The following NTNG1 variants were observed in gnomAD, a reference collection of about 807,000 sequenced individuals.
NTNG1 encodes the protein netrin G1, also known as netrin-G1.
NTNG1 carries 16 observed loss-of-function variants against 54.0 expected under a neutral mutation model. That is an observed-to-expected ratio of 0.30 (90% CI 0.20 to 0.45). The LOEUF is 0.45. NTNG1 is among the 20% of genes least tolerant of loss of function. NTNG1 has a pLI of 1.00. For synonymous variants in NTNG1, 255 were observed against 263.1 expected (o/e 0.97, Z 0.30); for missense variants, 530 against 678.7 (o/e 0.78, Z 2.43).
chr1:107,208,878 C>T (rs948416728), intron 2 of NTNG1, among the ~76,000 whole-genome samples: 1 of 152,056 alleles, frequency 6.6e-6, no homozygotes, highest in Non-Finnish European at 1.5e-5. Flanking sequence ...GGGACTTCAC[C>T]ACCACTACTG....
chr1:107,463,518 A>C (rs1408938974), intron 7 of NTNG1, among the ~76,000 whole-genome samples: 2 of 151,326 alleles, frequency 1.3e-5, no homozygotes, highest in African/African-American at 2.4e-5. Flanking sequence ...ACACAATTTC[A>C]TTCCATAATA....
intron 7 of NTNG1, among the ~76,000 whole-genome samples, chr1:107,473,219 C>T (rs1459953552): frequency 6.6e-6 from 1 of 152,154 alleles, no homozygotes; most frequent in Non-Finnish European, 1.5e-5. Context: ...AAAAGAGAAA[C>T]TTTCAAGTCT....
intron 7 of NTNG1, among the ~76,000 whole-genome samples, chr1:107,462,142 CT>C (rs1466381452): frequency 7.2e-5 from 11 of 152,172 alleles, no homozygotes; most frequent in Admixed American, 1.3e-4. Context: ...CAAGGATGCA[CT>C]TTTTCTGTTT....
chr1:107,197,307 T>C (rs1224736366), intron 2 of NTNG1, among the ~76,000 whole-genome samples: 2 of 151,958 alleles, frequency 1.3e-5, no homozygotes, highest in African/African-American at 2.4e-5. Context: ...TGCTGCCCTC[T>C]ACAACAGCCA....
intron 2 of NTNG1, among the ~76,000 whole-genome samples, chr1:107,266,468 C>T (rs939123825): frequency 6.6e-6 from 1 of 151,936 alleles, no homozygotes; most frequent in Non-Finnish European, 1.5e-5. Context: ...TGTTTAGCAA[C>T]CAGATGTCAT....
intron 2 of NTNG1, among the ~76,000 whole-genome samples, chr1:107,248,087 T>G (rs75840452): frequency 0.031 from 4,675 of 152,328 alleles, 220 homozygotes; most frequent in African/African-American, 0.11. Context: ...ACTGCCAACA[T>G]GCCATTCTAT....
chr1:107,144,871 A>C (rs981612078), intron 1 of NTNG1, among the ~76,000 whole-genome samples: 1 of 151,978 alleles, frequency 6.6e-6, no homozygotes, highest in Admixed American at 6.6e-5. Flanking sequence ...TTTAGTTCCC[A>C]AGTAGAGGTG....
At chr1:107,411,878 G>T (rs1487645628) in intron 5 of NTNG1, among the ~76,000 whole-genome samples, 2 of 152,112 alleles carry the variant, frequency 1.3e-5, no homozygotes, top group Admixed American at 1.3e-4. Flanking sequence ...ATGAAATCTT[G>T]TGGTTATCCT....
At position 107,436,703 on chromosome 1, in the gene NTNG1, T is replaced by C; in HGVS notation, c.1294T>C (p.Cys432Arg). Residue 432 changes from cysteine (C) to arginine (R), a missense_variant, in exon 7 of 8, where the codon TGT becomes CGT. Physicochemically the swap from Cys to Arg is radical, Grantham distance 180 (BLOSUM62 -3). This residue lies in a region of NTNG1 where 212 missense variants were observed against 213.6 expected (regional missense o/e 0.99). Coordinates refer to ENST00000370068, the MANE Select transcript of NTNG1 (RefSeq NM_001113226.3). Reference protein sequence around the residue: ...CNPLGSIHDRCNGSGFCECKT... With the variant: ...CNPLGSIHDRRNGSGFCECKT... ...CCCTTTGGGCTCAATCCATGATCGT[T>C]GTAATGGCTCAGGATTTTGTGAGTG... 3.1e-6 allele frequency: 5 copies of C among 1,613,554 alleles called. No individual in the cohort carries two copies. The highest frequency in any genetic ancestry group is 4.2e-6 in the Non-Finnish European group (5 of 1,179,602).
intron 5 of NTNG1, chr1:107,408,536 G>C (rs140492641): frequency 1.3e-5 from 2 of 152,046 alleles, no homozygotes; most frequent in African/African-American, 4.8e-5. Flanking sequence ...TGTAGCTCCC[G>C]CTTCATGTGT....
intron 5 of NTNG1, among the ~76,000 whole-genome samples, chr1:107,425,018 T>G (rs759269247): frequency 1.3e-4 from 20 of 152,018 alleles, no homozygotes; most frequent in Non-Finnish European, 2.4e-4. Context: ...ATCAAGAGAC[T>G]GTGGTGGCCC....
intron 2 of NTNG1, among the ~76,000 whole-genome samples, chr1:107,246,530 TG>T (rs1171988908): frequency 6.6e-6 from 1 of 152,102 alleles, no homozygotes; most frequent in Non-Finnish European, 1.5e-5. Context: ...AAACCTCAAT[TG>T]ATGTAGTAGT....
At chr1:107,288,997 G>T (rs1224765413) in intron 2 of NTNG1, among the ~76,000 whole-genome samples, 2 of 152,046 alleles carry the variant, frequency 1.3e-5, no homozygotes, top group South Asian at 2.1e-4. Context: ...CTAGTCAGTT[G>T]TCTCTTCCAT....
chr1:107,157,626 G>A (rs1002506691), intron 2 of NTNG1, among the ~76,000 whole-genome samples: 1 of 152,054 alleles, frequency 6.6e-6, no homozygotes. Flanking sequence ...GATTGATATA[G>A]GGACATATTT....
chr1:107,297,493 ATATT>A (rs1408919404), intron 2 of NTNG1, among the ~76,000 whole-genome samples: 1 of 151,878 alleles, frequency 6.6e-6, no homozygotes, highest in Non-Finnish European at 1.5e-5. Context: ...CTAACAAATG[ATATT>A]TATGGGCACC....
At chr1:107,391,706 G>A (rs1672374710) in intron 3 of NTNG1, among the ~76,000 whole-genome samples, 1 of 152,014 alleles carries the variant, frequency 6.6e-6, no homozygotes, top group African/African-American at 2.4e-5. Context: ...AACAAGAATG[G>A]GGGAGGGAGG....
At chr1:107,474,116 G>T (rs949348696) in intron 7 of NTNG1, among the ~76,000 whole-genome samples, 2 of 152,254 alleles carry the variant, frequency 1.3e-5, no homozygotes, top group East Asian at 3.9e-4. Context: ...ATCACAAAAA[G>T]AAATCTGTCT....
intron 3 of NTNG1, among the ~76,000 whole-genome samples, chr1:107,380,793 C>T (rs1671597625): frequency 6.6e-6 from 1 of 152,226 alleles, no homozygotes; most frequent in African/African-American, 2.4e-5. Flanking sequence ...TGACCATCCC[C>T]TGCTGGTCCC....
intron 2 of NTNG1, among the ~76,000 whole-genome samples, chr1:107,256,543 C>T (rs918961259): frequency 2.6e-5 from 4 of 152,188 alleles, no homozygotes; most frequent in Non-Finnish European, 5.9e-5. Context: ...GTTAGCGTAA[C>T]AGAGCCCAGA....
Sources: gnomAD v4.1 joint callset for allele counts (sites outside exome capture counted in the v4.1 genomes callset) on GRCh38, gnomAD v4.1.1 for gene constraint, gnomAD v4.1.1 regional missense constraint, MANE v1.5 for transcripts, NCBI Gene and HGNC (gene_info 2026-07-23, HGNC 2026-07-21) for gene names.